Variants in NPHP1 observed in about 807,000 individuals in gnomAD.
NPHP1 encodes nephrocystin 1.
A neutral mutation model predicts 90.4 loss-of-function variants in NPHP1; 70 were observed. The ratio of observed to expected loss-of-function variants is 0.77; its 90% CI spans 0.64 to 0.95. The LOEUF is 0.95. Ranked by LOEUF, NPHP1 falls within the 40% of genes least tolerant of loss-of-function variation. The pLI, the probability that NPHP1 is intolerant of heterozygous loss-of-function variation, is 0.00. For synonymous variants in NPHP1, 256 were observed against 271.7 expected, an observed-to-expected ratio of 0.94 and a Z score of 0.57; for missense variants, 764 against 795.9, an observed-to-expected ratio of 0.96 and a Z score of 0.48.
At chr2:110,142,328 T>C (rs994342419) in intron 16 of NPHP1, among the ~76,000 whole-genome samples, 2 of 151,932 alleles carry the variant, frequency 1.3e-5, no homozygotes, top group African/African-American at 4.8e-5. Flanking sequence ...AAGTTGAAAA[T>C]GCATTTAATA....
intron 4 of NPHP1, among the ~76,000 whole-genome samples, chr2:110,175,258 A>C (rs976596727): frequency 5.3e-5 from 8 of 152,196 alleles, no homozygotes; most frequent in African/African-American, 1.9e-4. Flanking sequence ...TTTCAAAGGC[A>C]TATAGAAAAG....
At chr2:110,134,410 T>C (rs774660958) in intron 16 of NPHP1, among the ~76,000 whole-genome samples, 11 of 151,662 alleles carry the variant, frequency 7.3e-5, no homozygotes, top group Non-Finnish European at 1.3e-4. Context: ...CTACCAAACC[T>C]TTAAAGAAGA....
At chr2:110,124,695 A>T (rs1347269151) in intron 19 of NPHP1, 1 of 180,316 alleles carries the variant, frequency 5.5e-6, no homozygotes, top group Non-Finnish European at 1.2e-5. Context: ...GTCCACAGGC[A>T]GCAGAGTCTA....
intron 1 of NPHP1, 21 bp downstream of exon 1, chr2:110,204,879 C>T (rs1388348943): frequency 6.2e-7 from 1 of 1,613,206 alleles, no homozygotes; most frequent in Non-Finnish European, 8.5e-7. Flanking sequence ...CCCCAGGGCC[C>T]TCTGCACAGC....
chr2:110,168,815 G>T (rs954627694), intron 5 of NPHP1, among the ~76,000 whole-genome samples: 2 of 151,848 alleles, frequency 1.3e-5, no homozygotes, highest in Non-Finnish European at 2.9e-5. Flanking sequence ...TTATGCAAAT[G>T]GGAACCATTT....
At chr2:110,204,790 G>GT in intron 1 of NPHP1, 110 bp downstream of exon 1, 4 of 1,132,026 alleles carry the variant, frequency 3.5e-6, no homozygotes, top group Non-Finnish European at 5.3e-6. Flanking sequence ...AGGTAAGTAG[G>GT]TTGGGGGCAA....
chr2:110,137,032 C>T (rs1187781139), intron 16 of NPHP1, among the ~76,000 whole-genome samples: 2 of 152,086 alleles, frequency 1.3e-5, no homozygotes, highest in African/African-American at 4.8e-5. Flanking sequence ...TATCTACAAC[C>T]ATCTGATCTT....
intron 2 of NPHP1, among the ~76,000 whole-genome samples, chr2:110,198,549 C>A (rs1001867451): frequency 6.6e-6 from 1 of 152,022 alleles, no homozygotes; most frequent in African/African-American, 2.4e-5. Context: ...GCTCCCTTTT[C>A]CCCTCTCTGC....
Position 110,123,889 on chromosome 2 carries a change from G to A in NPHP1, c.1936C>T (p.Leu646Phe), listed in dbSNP as rs748152745. 17 of 1,613,962 alleles carry A rather than the reference G, an allele frequency of 1.1e-5. No individual in the cohort carries two copies. Among genetic ancestry groups the A allele is most frequent in the Non-Finnish European group, 1.4e-5 (17 of 1,179,996 alleles). ...LKQNQENQGA[L>F]QALLSPDGVH... ...CCGTCTGGTGACAGCAGAGCTTGGA[G>A]GGCGCCCTGGTTTTCTTGGTTTTGC... Residue 646 changes from leucine to phenylalanine, a missense_variant, in exon 20 of 20, where the codon CTC (leucine) becomes TTC (phenylalanine). By Grantham distance (22) the Leu-to-Phe change is conservative (BLOSUM62 0). Coordinates refer to ENST00000445609, the MANE Select transcript of NPHP1 (RefSeq NM_001128178.3).
chr2:110,198,587 C>T (rs1452738758), intron 2 of NPHP1, among the ~76,000 whole-genome samples: 4 of 152,014 alleles, frequency 2.6e-5, no homozygotes, highest in Middle Eastern at 3.4e-3. Context: ...GGATTCTTCC[C>T]TAAAAACAAA....
intron 16 of NPHP1, among the ~76,000 whole-genome samples, chr2:110,142,040 C>T (rs956494656): frequency 7.3e-5 from 11 of 150,418 alleles, no homozygotes; most frequent in African/African-American, 9.8e-5. Flanking sequence ...TAAAGTTAAA[C>T]TCCATATGTC....
intron 5 of NPHP1, among the ~76,000 whole-genome samples, chr2:110,168,780 G>A (rs946312071): frequency 7.2e-5 from 11 of 151,768 alleles, no homozygotes; most frequent in Non-Finnish European, 1.3e-4. Context: ...ATTCCTTTTG[G>A]TTACCTAACA....
At chr2:110,178,649 A>G in intron 3 of NPHP1, 102 bp from the exon 4 acceptor site, 1 of 1,031,412 alleles carries the variant, frequency 9.7e-7, no homozygotes, top group South Asian at 1.6e-5. Context: ...AACAAAGTAA[A>G]TATCAGTGTG....
chr2:110,194,223 T>A (rs1435767916), intron 2 of NPHP1, among the ~76,000 whole-genome samples: 1 of 151,898 alleles, frequency 6.6e-6, no homozygotes, highest in Non-Finnish European at 1.5e-5. Context: ...CAGGAGCTGG[T>A]TTTTTGAAAA....
At chr2:110,202,529 G>T in intron 1 of NPHP1, 1 of 421,650 alleles carries the variant, frequency 2.4e-6, no homozygotes, top group Non-Finnish European at 4.9e-6. Flanking sequence ...AAACTTTCCA[G>T]ATAGTCAAGG....
intron 8 of NPHP1, 172 bp downstream of exon 8, chr2:110,164,516 T>C: frequency 7.3e-7 from 1 of 1,375,634 alleles, no homozygotes; most frequent in Non-Finnish European, 1.0e-6. Flanking sequence ...ATGAGAAATG[T>C]TACTTGGAGC....
intron 2 of NPHP1, chr2:110,185,312 G>T: frequency 2.7e-6 from 1 of 372,194 alleles, no homozygotes; most frequent in Non-Finnish European, 5.2e-6. Context: ...GTGAGCACAT[G>T]CAAGTGCCAT....
At chr2:110,193,496 G>C (rs1361535387) in intron 2 of NPHP1, among the ~76,000 whole-genome samples, 3 of 152,110 alleles carry the variant, frequency 2.0e-5, no homozygotes, top group African/African-American at 7.2e-5. Flanking sequence ...GGAGCACCCA[G>C]ATTCATAAAG....
At chr2:110,125,464 G>T in intron 19 of NPHP1, 173 bp downstream of exon 19, 1 of 1,106,934 alleles carries the variant, frequency 9.0e-7, no homozygotes, top group Non-Finnish European at 1.3e-6. Context: ...ATTAGCTAAC[G>T]ATCATGCGTA....
Sources: gnomAD v4.1 joint callset for allele counts (sites outside exome capture counted in the v4.1 genomes callset) on GRCh38, gnomAD v4.1.1 for gene constraint, MANE v1.5 for transcripts, NCBI Gene and HGNC (gene_info 2026-07-23, HGNC 2026-07-21) for gene names.